Variants in PITHD1 observed in about 807,000 individuals in gnomAD.
PITHD1 encodes PITH domain-containing protein 1.
In PITHD1, 8 loss-of-function variants were observed where a neutral mutation model predicts 27.5. The ratio of observed to expected loss-of-function variants is 0.29; its 90% CI spans 0.17 to 0.52. PITHD1 has a LOEUF of 0.52. PITHD1 is among the 20% of genes least tolerant of loss of function. The pLI is 0.96. For missense variants in PITHD1, 233 were observed against 283.9 expected, an observed-to-expected ratio of 0.82 and a Z score of 1.29; for synonymous variants, 118 against 106.8, an observed-to-expected ratio of 1.10 and a Z score of -0.64.
chr1:23,782,550 G>C (rs1038241064), intron 3 of PITHD1, among the ~76,000 whole-genome samples: 1 of 152,034 alleles, frequency 6.6e-6, no homozygotes, highest in African/African-American at 2.4e-5. Flanking sequence ...AATTAAGATC[G>C]TAAGATCATA....
intron 3 of PITHD1, among the ~76,000 whole-genome samples, chr1:23,783,204 A>G (rs1638627609): frequency 1.3e-5 from 2 of 150,808 alleles, no homozygotes; most frequent in Non-Finnish European, 3.0e-5. Flanking sequence ...TCACTGTGTT[A>G]GCAAGGATGG....
At position 23,787,223 on chromosome 1, in the gene PITHD1, G is replaced by T. The variant is rs371364970; in HGVS notation, c.535-52G>T. Reference sequence around the variant, plus strand: ...GACTACCGCAATGTGTGTGGTGTGGGAAAGGACAGTTCTTTTAATGGCTGG... The same window carrying T: ...GACTACCGCAATGTGTGTGGTGTGGTAAAGGACAGTTCTTTTAATGGCTGG... On this transcript the variant is annotated intron_variant, in intron 5 of 5. Transcript: ENST00000246151. 19 of 1,194,214 alleles carry T rather than the reference G, an allele frequency of 1.6e-5. 1 individual carries two copies. Among genetic ancestry groups the T allele is most frequent in the Non-Finnish European group, 2.4e-5 (19 of 798,232 alleles). 74.0% of individuals were successfully genotyped at this position (1,194,214 alleles called of 1,614,324 possible). A position where few individuals can be genotyped will look rare whatever the true frequency, so the allele number is the denominator to read the frequency against.
chr1:23,779,227 T>C (rs1638559088), intron 1 of PITHD1: 6 of 524,774 alleles, frequency 1.1e-5, no homozygotes, highest in Middle Eastern at 4.8e-4. Context: ...ATTCATGGGC[T>C]TTTTGTTAAG....
Position 23,778,422 on chromosome 1 carries a change from G to C in PITHD1, c.-94G>C, listed in dbSNP as rs1034893749. The C allele has an allele frequency of 1.6e-5, 13 of 791,282 alleles. No individual in the cohort carries two copies. Among genetic ancestry groups the C allele is most frequent in the Non-Finnish European group, 1.8e-5 (11 of 618,958 alleles). The allele number at this position is 791,282 out of a possible 1,614,324, so 49.0% of individuals were successfully genotyped here. ...CGCGGCAGGCGCGGCGCGCTTAGTT[G>C]CCGGAGCTGAACGGCGCGGAGCTGG... On this transcript the variant is annotated 5_prime_UTR_variant, in exon 1 of 6. Transcript: ENST00000246151.
At position 23,787,459 on chromosome 1, in the gene PITHD1, C is replaced by T. The variant is rs1638703015; in HGVS notation, c.*83C>T. 2 of 801,460 alleles carry T rather than the reference C, an allele frequency of 2.5e-6. No individual in the cohort carries two copies. The highest frequency in any genetic ancestry group is 1.7e-5 in the African/African-American group (1 of 58,312). 49.6% of individuals were successfully genotyped at this position (801,460 alleles called of 1,614,324 possible). On this transcript the variant is annotated 3_prime_UTR_variant, in exon 6 of 6. Coordinates refer to ENST00000246151, the MANE Select transcript of PITHD1 (RefSeq NM_020362.5). Reference sequence around the variant, plus strand: ...TGGGAAGGACAAAGGGATGAGGCTCCAGAGAGAGTTGGCTGCCACAGCCTC... The same window carrying T: ...TGGGAAGGACAAAGGGATGAGGCTCTAGAGAGAGTTGGCTGCCACAGCCTC...
At chr1:23,781,233 C>T (rs890180358) in intron 3 of PITHD1, among the ~76,000 whole-genome samples, 7 of 152,144 alleles carry the variant, frequency 4.6e-5, no homozygotes, top group East Asian at 1.9e-4. Flanking sequence ...GAGGCCGAGG[C>T]GGGCGGATCA....
At position 23,786,674 on chromosome 1, in the gene PITHD1, C is replaced by T. The variant is rs185136292; in HGVS notation, c.534+251C>T. Among the ~76,000 whole-genome samples the T allele has an allele frequency of 6.8e-3, 1,020 of 150,606 alleles. 8 individuals are homozygous for T. The highest frequency in any genetic ancestry group is 0.023 in the African/African-American group (945 of 41,118). On this transcript the variant is annotated intron_variant, in intron 5 of 5. Transcript: ENST00000246151. ...TATATATCTCAGCTCACTGCGACCT[C>T]CGCCTCCCAGGTTCAAGTGATTCTC...
chr1:23,783,316 C>T (rs1638630726), intron 3 of PITHD1, among the ~76,000 whole-genome samples: 1 of 147,736 alleles, frequency 6.8e-6, no homozygotes, highest in Non-Finnish European at 1.5e-5. Context: ...CATATATACG[C>T]ATATATATAT....
chr1:23,787,417 G>T lies in PITHD1; in HGVS notation c.*41G>T. 1 of 1,109,448 alleles carries T rather than the reference G, an allele frequency of 9.0e-7. No individual in the cohort carries two copies. Among genetic ancestry groups the T allele is most frequent in the East Asian group, 2.4e-5 (1 of 42,302 alleles). The allele number at this position is 1,109,448 out of a possible 1,614,324, so 68.7% of individuals were successfully genotyped here. ...CCCATAGAGGCGCTGTGTCAGTGAAGATGTACGACTACCTGTTGGGAAGGA... is the reference window on the plus strand; with the variant it reads ...CCCATAGAGGCGCTGTGTCAGTGAATATGTACGACTACCTGTTGGGAAGGA... On this transcript the variant is annotated 3_prime_UTR_variant, in exon 6 of 6. Coordinates refer to ENST00000246151, the MANE Select transcript of PITHD1 (RefSeq NM_020362.5).
At chr1:23,780,555 G>A (rs182282120) in intron 3 of PITHD1, among the ~76,000 whole-genome samples, 79 of 152,246 alleles carry the variant, frequency 5.2e-4, no homozygotes, top group African/African-American at 1.8e-3. Flanking sequence ...AATTCAGTCC[G>A]GGTGCAGTAG....
At chr1:23,783,185 GAT>G (rs1263493604) in intron 3 of PITHD1, among the ~76,000 whole-genome samples, 2 of 150,826 alleles carry the variant, frequency 1.3e-5, no homozygotes, top group African/African-American at 4.9e-5. Flanking sequence ...TTTTAGTAGA[GAT>G]AGAGTTTCAC....
intron 3 of PITHD1, among the ~76,000 whole-genome samples, chr1:23,784,793 T>C (rs1330927169): frequency 6.6e-6 from 1 of 152,160 alleles, no homozygotes; most frequent in Non-Finnish European, 1.5e-5. Context: ...CTTGGCTCAT[T>C]GCACCCTCTC....
chr1:23,786,942 A>G, intron 5 of PITHD1, among the ~76,000 whole-genome samples: 1 of 152,056 alleles, frequency 6.6e-6, no homozygotes, highest in East Asian at 1.9e-4. Context: ...AAATGCTTTC[A>G]TTGAGTATTT....
Position 23,778,640 on chromosome 1 carries a change from GC to G in PITHD1, c.127del (p.Asn44ThrfsTer50). ...YLRIDLERLQ[C>X]LNESREGSGR... is the part of the protein sequence containing the mutation. Reference sequence around the variant, plus strand: ...CGCATCGACCTGGAGCGGCTGCAATGCCTTAACGAGAGCCGCGAGGGCAGCG... The same window carrying G: ...CGCATCGACCTGGAGCGGCTGCAATGCTTAACGAGAGCCGCGAGGGCAGCG... On this transcript the variant is annotated frameshift_variant, in exon 1 of 6. Coordinates refer to ENST00000246151, the MANE Select transcript of PITHD1 (RefSeq NM_020362.5). LOFTEE classifies it high-confidence loss of function. The G allele has an allele frequency of 7.5e-7, 1 of 1,330,588 alleles. No homozygotes were observed. Among genetic ancestry groups the G allele is most frequent in the Non-Finnish European group, 9.6e-7 (1 of 1,040,858 alleles). The allele number at this position is 1,330,588 out of a possible 1,614,324, so 82.4% of individuals were successfully genotyped here.
chr1:23,786,589 G>C (rs1638688071), intron 5 of PITHD1, among the ~76,000 whole-genome samples, 166 bp downstream of exon 5: 1 of 150,318 alleles, frequency 6.7e-6, no homozygotes, highest in African/African-American at 2.4e-5. Context: ...AGAAACTACA[G>C]GTATTTTTAA....
intron 3 of PITHD1, among the ~76,000 whole-genome samples, chr1:23,784,823 T>C (rs1473760599): frequency 6.6e-6 from 1 of 152,200 alleles, no homozygotes; most frequent in Non-Finnish European, 1.5e-5. Flanking sequence ...GGATGTGAGA[T>C]TGCAGTCTTT....
chr1:23,787,637 G>T lies in PITHD1; in HGVS notation c.*261G>T. 1 of 291,488 alleles carries T rather than the reference G, an allele frequency of 3.4e-6. No homozygotes were observed. 18.1% of individuals were successfully genotyped at this position (291,488 alleles called of 1,614,324 possible). A position where few individuals can be genotyped will look rare whatever the true frequency, so the allele number is the denominator to read the frequency against. On this transcript the variant is annotated 3_prime_UTR_variant, in exon 6 of 6. Coordinates refer to ENST00000246151, the MANE Select transcript of PITHD1 (RefSeq NM_020362.5). ...GGGCTGGGTGGCATCTGGCAGTCAT[G>T]GGTAACACTTGCTTTTCCAGTTAAT...
chr1:23,778,715 TG>T lies in PITHD1; in HGVS notation c.198+5del. 7.8e-7 allele frequency: 1 copy of T among 1,276,300 alleles called. No homozygotes were observed. Among genetic ancestry groups the T allele is most frequent in the Non-Finnish European group, 9.9e-7 (1 of 1,011,136 alleles). The allele number at this position is 1,276,300 out of a possible 1,614,324, so 79.1% of individuals were successfully genotyped here. A position where few individuals can be genotyped will look rare whatever the true frequency, so the allele number is the denominator to read the frequency against. The stretch of plus-strand genomic sequence containing the variant: ...GAGGAGCGGACCGACCGCTCCAAGG[TG>T]GGCCGCCTGGGGCTTGGGGCGGGCG... On this transcript the variant is annotated splice_donor_region_variant and intron_variant, in intron 1 of 5. Coordinates refer to ENST00000246151, the MANE Select transcript of PITHD1 (RefSeq NM_020362.5).
chr1:23,779,786 A>G (rs891886264), intron 2 of PITHD1, 78 bp from the exon 3 acceptor site: 1 of 1,015,956 alleles, frequency 9.8e-7, no homozygotes, highest in South Asian at 1.3e-5. Flanking sequence ...ATACAGGGGA[A>G]GGGTCTTGCC....
Sources: allele counts gnomAD v4.1 joint callset (sites outside exome capture counted in the v4.1 genomes callset), GRCh38; gene constraint gnomAD v4.1.1; transcripts MANE v1.5; gene names NCBI Gene and HGNC (gene_info 2026-07-23, HGNC 2026-07-21).